CPN1: variants seen among roughly 807,000 people sequenced by gnomAD.
CPN1 encodes the protein carboxypeptidase N subunit 1.
In CPN1, 37 loss-of-function variants were observed where a neutral mutation model predicts 46.4. That is an observed-to-expected ratio of 0.80 (90% CI 0.61 to 1.05). The LOEUF is 1.05. Ranked by LOEUF, CPN1 falls within the 50% of genes least tolerant of loss-of-function variation. The probability of loss-of-function intolerance (pLI) is 0.00; values close to 1 mark genes in which losing one functional copy is unlikely to be tolerated. For synonymous variants in CPN1, 224 were observed against 235.4 expected (o/e 0.95, Z 0.44); for missense variants, 563 against 602.6 (o/e 0.93, Z 0.69).
chr10:100,045,739 G>C (rs1339933891), intron 8 of CPN1, among the ~76,000 whole-genome samples: 2 of 152,208 alleles, frequency 1.3e-5, no homozygotes, highest in Non-Finnish European at 2.9e-5. Context: ...TCACAGGGTT[G>C]TTGTGAAGGT....
At chr10:100,051,532 A>T (rs35997870) in intron 7 of CPN1, among the ~76,000 whole-genome samples, 2,011 of 147,252 alleles carry the variant, frequency 0.014, 47 homozygotes, top group African/African-American at 0.039. Context: ...ATGAAAAAAA[A>T]TTTTTTTTTT....
chr10:100,073,369 A>G (rs1236751164), intron 2 of CPN1, among the ~76,000 whole-genome samples: 2 of 152,200 alleles, frequency 1.3e-5, no homozygotes, highest in Non-Finnish European at 2.9e-5. Flanking sequence ...TTCCCTGCAC[A>G]CTGGTCAATA....
chr10:100,065,684 C>G (rs2041450815), intron 3 of CPN1, among the ~76,000 whole-genome samples: 1 of 152,120 alleles, frequency 6.6e-6, no homozygotes, highest in African/African-American at 2.4e-5. Context: ...TATATATCAT[C>G]ATACCTTTGT....
intron 1 of CPN1, among the ~76,000 whole-genome samples, chr10:100,078,227 A>AG (rs2133450191): frequency 6.6e-6 from 1 of 152,248 alleles, no homozygotes; most frequent in East Asian, 1.9e-4. Flanking sequence ...TTCTAAAAAA[A>AG]AAATTTATTA....
At position 100,057,052 on chromosome 10, in the gene CPN1, C is replaced by G. The variant is rs747682115; in HGVS notation, c.972G>C (p.Trp324Cys). The stretch of plus-strand genomic sequence containing the variant: ...GGATTAGGGCTTCCCGATTACCCAG[C>G]CACTCCCGCTGTAACTCCTCTTCGG... ...FPPEEELQRE[W>C]LGNREALIQF... The change falls in exon 6 of 9, where the codon TGG becomes TGC. Residue 324 changes from tryptophan (W) to cysteine (C), a missense_variant. By Grantham distance (215) the Trp-to-Cys change is radical (BLOSUM62 -2). Coordinates refer to ENST00000370418, the MANE Select transcript of CPN1 (RefSeq NM_001308.3). 1.2e-6 allele frequency: 2 copies of G among 1,614,012 alleles called. No homozygotes were observed. The highest frequency in any genetic ancestry group is 1.7e-6 in the Non-Finnish European group (2 of 1,180,024).
chr10:100,081,425 G>C lies in CPN1; in HGVS notation c.201C>G (p.Asp67Glu). 1 of 1,613,044 alleles carries C rather than the reference G, an allele frequency of 6.2e-7. No individual in the cohort carries two copies. The highest frequency in any genetic ancestry group is 8.5e-7 in the Non-Finnish European group (1 of 1,179,984). Residue 67 changes from aspartate to glutamate, a missense_variant, in exon 1 of 9, where the codon GAC becomes GAG. By Grantham distance (45) the Asp-to-Glu change is conservative (BLOSUM62 2). Transcript: ENST00000370418. ...GRHLYVLEFSDHPGIHEPLEP... is the reference protein window; with the variant it reads ...GRHLYVLEFSEHPGIHEPLEP... ...TACAGGGCTCGTGGATTCCAGGGTG[G>C]TCGCTGAACTCCAGCACGTAGAGGT...
chr10:100,046,935 A>G (rs1454430387), intron 8 of CPN1, among the ~76,000 whole-genome samples: 2 of 140,388 alleles, frequency 1.4e-5, no homozygotes, highest in Non-Finnish European at 1.6e-5. Flanking sequence ...ATAGCTGAAG[A>G]TGGTGGCACA....
chr10:100,049,747 C>T (rs1228180909), intron 7 of CPN1, among the ~76,000 whole-genome samples: 1 of 152,108 alleles, frequency 6.6e-6, no homozygotes, highest in Non-Finnish European at 1.5e-5. Flanking sequence ...AGATTTAAAT[C>T]ATTTGTGGAC....
intron 8 of CPN1, 132 bp downstream of exon 8, chr10:100,048,626 G>A (rs2041329305): frequency 1.3e-6 from 1 of 758,276 alleles, no homozygotes; most frequent in South Asian, 1.4e-5. Flanking sequence ...TTCGGCCCAG[G>A]AGATCGAGGC....
chr10:100,079,031 G>A (rs1158256043), intron 1 of CPN1, among the ~76,000 whole-genome samples: 1 of 152,198 alleles, frequency 6.6e-6, no homozygotes, highest in Non-Finnish European at 1.5e-5. Context: ...CTCAATATCA[G>A]CACGGCATGT....
intron 2 of CPN1, among the ~76,000 whole-genome samples, chr10:100,075,068 T>A (rs2041506280): frequency 6.6e-6 from 1 of 152,162 alleles, no homozygotes. Flanking sequence ...GGTGGGTGGA[T>A]CACCTGAGGC....
intron 1 of CPN1, among the ~76,000 whole-genome samples, chr10:100,076,369 A>T (rs781581342): frequency 4.8e-4 from 73 of 152,208 alleles, no homozygotes; most frequent in Non-Finnish European, 1.0e-3. Flanking sequence ...GCTAAAATTC[A>T]CAGAAAACTT....
At chr10:100,057,354 A>T (rs2133433583) in intron 5 of CPN1, among the ~76,000 whole-genome samples, 1 of 152,346 alleles carries the variant, frequency 6.6e-6, no homozygotes, top group Non-Finnish European at 1.5e-5. Flanking sequence ...TGGGGCACAC[A>T]TAGTGACGTT....
Position 100,063,076 on chromosome 10 carries a change from A to G in CPN1, c.871+538T>C, listed in dbSNP as rs146691897. 7.1e-3 allele frequency among the ~76,000 whole-genome samples: 1,083 copies of G among 152,184 alleles called. 18 individuals carry two copies. Among genetic ancestry groups the G allele is most frequent in the African/African-American group, 0.025 (1,029 of 41,520 alleles). On this transcript the variant is annotated intron_variant, in intron 5 of 8. Transcript: ENST00000370418. ...GCCCTAATCTATTGTGTAAACCACC[A>G]GTTTTACAGGACCAAAAGGTGTCCC...
chr10:100,044,625 C>T (rs1384982755), intron 8 of CPN1, among the ~76,000 whole-genome samples: 1 of 152,172 alleles, frequency 6.6e-6, no homozygotes, highest in Non-Finnish European at 1.5e-5. Flanking sequence ...ATCTGCCAGC[C>T]TCAGCCTTCC....
chr10:100,063,049 A>G (rs1301983157), intron 5 of CPN1, among the ~76,000 whole-genome samples: 1 of 152,116 alleles, frequency 6.6e-6, no homozygotes, highest in Non-Finnish European at 1.5e-5. Flanking sequence ...TTTTCCTCCT[A>G]TGCCCTAATC....
At chr10:100,045,063 G>A (rs2041300517) in intron 8 of CPN1, among the ~76,000 whole-genome samples, 1 of 152,130 alleles carries the variant, frequency 6.6e-6, no homozygotes, top group Non-Finnish European at 1.5e-5. Flanking sequence ...GCTTTAGACT[G>A]GGAAGGGAGA....
chr10:100,045,616 G>C (rs1344245869), intron 8 of CPN1, among the ~76,000 whole-genome samples: 2 of 152,160 alleles, frequency 1.3e-5, no homozygotes, highest in African/African-American at 2.4e-5. Flanking sequence ...GCTAAGAAGG[G>C]AGCCAGAGAG....
At chr10:100,080,355 A>G (rs1448180320) in intron 1 of CPN1, among the ~76,000 whole-genome samples, 1 of 151,948 alleles carries the variant, frequency 6.6e-6, no homozygotes. Flanking sequence ...GCACTTATAG[A>G]CATGGATGCT....
Sources: allele counts gnomAD v4.1 joint callset (sites outside exome capture counted in the v4.1 genomes callset), GRCh38; gene constraint gnomAD v4.1.1; transcripts MANE v1.5; gene names NCBI Gene and HGNC (gene_info 2026-07-23, HGNC 2026-07-21).